The following KCND3 variants were observed in gnomAD, a reference collection of about 807,000 sequenced individuals.
The protein encoded by KCND3 is A-type voltage-gated potassium channel KCND3.
In KCND3, 9 loss-of-function variants were observed where a neutral mutation model predicts 51.1. That is an observed-to-expected ratio of 0.18 (90% CI 0.11 to 0.31). The LOEUF (loss-of-function observed/expected upper bound fraction) is 0.31. Among genes scored for constraint, KCND3 ranks in the 10% least tolerant of loss-of-function variants. The pLI, the probability that KCND3 is intolerant of heterozygous loss-of-function variation, is 1.00. For missense variants in KCND3, 526 were observed against 903.8 expected (o/e 0.58, Z 5.36); for synonymous variants, 349 against 368.0 (o/e 0.95, Z 0.59).
At chr1:111,938,618 T>C (rs1256937956) in intron 2 of KCND3, among the ~76,000 whole-genome samples, 3 of 152,008 alleles carry the variant, frequency 2.0e-5, no homozygotes, top group Non-Finnish European at 4.4e-5. Flanking sequence ...TCAGTGGACA[T>C]TGAATGGAAA....
At chr1:111,800,508 C>A (rs1430528979) in intron 2 of KCND3, among the ~76,000 whole-genome samples, 1 of 137,864 alleles carries the variant, frequency 7.3e-6, no homozygotes, top group East Asian at 2.1e-4. Context: ...GCCAAATCCC[C>A]CTCTGTGAGA....
chr1:111,934,040 T>C (rs1418122765), intron 2 of KCND3, among the ~76,000 whole-genome samples: 3 of 152,072 alleles, frequency 2.0e-5, no homozygotes, highest in Non-Finnish European at 4.4e-5. Context: ...GTGCTTACTC[T>C]CTCCCTCCCA....
At chr1:111,984,496 C>T (rs1254972781) in intron 1 of KCND3, among the ~76,000 whole-genome samples, 1 of 152,138 alleles carries the variant, frequency 6.6e-6, no homozygotes, top group Admixed American at 6.5e-5. Context: ...CTCCCTCTGG[C>T]CTCCTTCCCA....
intron 2 of KCND3, among the ~76,000 whole-genome samples, chr1:111,830,512 G>GGA (rs1381133892): frequency 6.6e-6 from 1 of 152,166 alleles, no homozygotes; most frequent in Non-Finnish European, 1.5e-5. Flanking sequence ...CAAAATTTAA[G>GGA]GAGGCCCTCA....
At chr1:111,924,633 G>T (rs1671620960) in intron 2 of KCND3, among the ~76,000 whole-genome samples, 1 of 152,204 alleles carries the variant, frequency 6.6e-6, no homozygotes. Context: ...AGCCTGAAGG[G>T]CCAGGGCAAG....
At chr1:111,820,513 A>G (rs1666294578) in intron 2 of KCND3, among the ~76,000 whole-genome samples, 3 of 152,332 alleles carry the variant, frequency 2.0e-5, no homozygotes, top group African/African-American at 7.2e-5. Flanking sequence ...AGATATTGCT[A>G]TTCCATTTTA....
At chr1:111,925,644 A>C (rs1416303585) in intron 2 of KCND3, among the ~76,000 whole-genome samples, 1 of 152,180 alleles carries the variant, frequency 6.6e-6, no homozygotes, top group Non-Finnish European at 1.5e-5. Context: ...AAGATGGAAT[A>C]ATGTACTCAG....
chr1:111,902,964 CAT>C (rs1670460555), intron 2 of KCND3, among the ~76,000 whole-genome samples: 3 of 152,276 alleles, frequency 2.0e-5, no homozygotes, highest in East Asian at 1.9e-4. Flanking sequence ...TATATACAGA[CAT>C]GTGGATATAC....
At chr1:111,815,843 G>T (rs1306665081) in intron 2 of KCND3, among the ~76,000 whole-genome samples, 1 of 152,044 alleles carries the variant, frequency 6.6e-6, no homozygotes, top group South Asian at 2.1e-4. Flanking sequence ...GGCTAAGATA[G>T]AAAGAAGGTA....
At chr1:111,805,124 T>C (rs951524344) in intron 2 of KCND3, among the ~76,000 whole-genome samples, 3 of 152,320 alleles carry the variant, frequency 2.0e-5, no homozygotes, top group Admixed American at 2.0e-4. Flanking sequence ...CGGCCTAAGC[T>C]GACAGGCAGG....
chr1:111,783,222 G>A (rs61788784), intron 3 of KCND3, among the ~76,000 whole-genome samples: 7 of 146,252 alleles, frequency 4.8e-5, no homozygotes, highest in African/African-American at 1.8e-4. Context: ...AAAAAAAAAG[G>A]AGGATGTGAG....
rs2101997741 is a variant in KCND3, at chr1:111,982,236, C to A, written c.491G>T (p.Ser164Ile). 1 of 1,614,122 alleles carries A rather than the reference C, an allele frequency of 6.2e-7. No homozygotes were observed. The highest frequency in any genetic ancestry group is 8.5e-7 in the Non-Finnish European group (1 of 1,180,020). ...GGCCCGCCACATGGTCTGGCGGAAG[C>A]TGAGCGAGGGCATGGACTCCTGGTT... ...ENNQESMPSL[S>I]FRQTMWRAFE... Residue 164 changes from serine to isoleucine, a missense_variant, in exon 2 of 8, where the codon AGC becomes ATC. This residue lies in a region of KCND3 where 159 missense variants were observed against 262.8 expected (regional missense o/e 0.61). Coordinates refer to ENST00000302127, the MANE Select transcript of KCND3 (RefSeq NM_001378969.1). This position sits in a 1 kb window ranked among gnomAD's most constrained non-coding sequence, Gnocchi z 8.5.
intron 2 of KCND3, among the ~76,000 whole-genome samples, chr1:111,846,175 T>A (rs560544487): frequency 1.1e-4 from 16 of 152,316 alleles, no homozygotes; most frequent in African/African-American, 3.8e-4. Context: ...TTAAGCTTGG[T>A]CAATAAGTGT....
intron 2 of KCND3, among the ~76,000 whole-genome samples, chr1:111,956,133 G>T (rs1302243590): frequency 6.6e-6 from 1 of 152,130 alleles, no homozygotes; most frequent in Non-Finnish European, 1.5e-5. Flanking sequence ...GCAGATACTA[G>T]AGGAGTTAGG....
chr1:111,852,214 A>G (rs968534471), intron 2 of KCND3, among the ~76,000 whole-genome samples: 75 of 152,316 alleles, frequency 4.9e-4, no homozygotes, highest in African/African-American at 1.7e-3. Flanking sequence ...CTGAGTGGTC[A>G]GTGGTTGTCA....
chr1:111,800,922 T>C (rs1376212608), intron 2 of KCND3, among the ~76,000 whole-genome samples: 2 of 152,196 alleles, frequency 1.3e-5, no homozygotes, highest in Admixed American at 1.3e-4. Context: ...CCAGGAAACT[T>C]CTAATTTATC....
chr1:111,845,490 A>G (rs780116963), intron 2 of KCND3, among the ~76,000 whole-genome samples: 1 of 152,152 alleles, frequency 6.6e-6, no homozygotes, highest in Non-Finnish European at 1.5e-5. Context: ...CAAATGCAGC[A>G]TATCCCAAAT....
At chr1:111,824,030 G>A (rs1666464335) in intron 2 of KCND3, among the ~76,000 whole-genome samples, 2 of 151,338 alleles carry the variant, frequency 1.3e-5, no homozygotes, top group Admixed American at 1.3e-4. Context: ...TGGATTTTTA[G>A]GAAAAGCTGA....
intron 2 of KCND3, among the ~76,000 whole-genome samples, chr1:111,861,385 G>A (rs1356391575): frequency 6.6e-6 from 1 of 152,024 alleles, no homozygotes; most frequent in Non-Finnish European, 1.5e-5. Context: ...GTAGATTTAG[G>A]GATCCTTCTA....
Sources: gnomAD v4.1 joint callset for allele counts (sites outside exome capture counted in the v4.1 genomes callset) on GRCh38, gnomAD v4.1.1 for gene constraint, gnomAD v4.1.1 regional missense constraint, Gnocchi (gnomAD v3.1) non-coding constraint, MANE v1.5 for transcripts, NCBI Gene and HGNC (gene_info 2026-07-23, HGNC 2026-07-21) for gene names.